Variants in SPG11 observed in about 807,000 individuals in gnomAD.
The protein encoded by SPG11 is spatacsin.
In SPG11, 222 loss-of-function variants were observed where a neutral mutation model predicts 274.0. That is an observed-to-expected ratio of 0.81 (90% CI 0.73 to 0.91). The LOEUF is 0.91. Among genes scored for constraint, SPG11 ranks in the 40% least tolerant of loss-of-function variants. The pLI is 0.00. For missense variants in SPG11, 3,114 were observed against 2,872.7 expected (o/e 1.08, Z -1.92); for synonymous variants, 1,144 against 1,039.7 (o/e 1.10, Z -1.93).
chr15:44,642,259 G>A (rs1050776397), intron 7 of SPG11, among the ~76,000 whole-genome samples: 5 of 151,362 alleles, frequency 3.3e-5, no homozygotes, highest in African/African-American at 1.2e-4. Context: ...CAGCTACTCA[G>A]GAGGCTGAGG....
chr15:44,614,115 TACTTTG>T (rs1227978967), intron 16 of SPG11, among the ~76,000 whole-genome samples: 1 of 152,222 alleles, frequency 6.6e-6, no homozygotes, highest in Non-Finnish European at 1.5e-5. Context: ...TCAGAATACA[TACTTTG>T]AAAATACAGC....
At chr15:44,644,564 TC>T (rs2084551271) in intron 7 of SPG11, among the ~76,000 whole-genome samples, 1 of 152,088 alleles carries the variant, frequency 6.6e-6, no homozygotes, top group African/African-American at 2.4e-5. Flanking sequence ...GTACTGGATG[TC>T]CTAACCAGAA....
intron 7 of SPG11, among the ~76,000 whole-genome samples, chr15:44,635,556 T>C (rs2084216766): frequency 7.8e-6 from 1 of 128,828 alleles, no homozygotes; most frequent in Non-Finnish European, 1.6e-5. Flanking sequence ...CAGTGAGCTG[T>C]GATTGCGTCA....
chr15:44,569,663 CAG>C (rs958208726), intron 34 of SPG11, among the ~76,000 whole-genome samples, 158 bp from the exon 35 acceptor site: 1 of 151,842 alleles, frequency 6.6e-6, no homozygotes, highest in South Asian at 2.1e-4. Flanking sequence ...ATGTACCCAA[CAG>C]GGGGCCTCTG....
intron 7 of SPG11, among the ~76,000 whole-genome samples, chr15:44,641,984 G>A (rs1299635750): frequency 6.7e-6 from 1 of 149,704 alleles, no homozygotes; most frequent in East Asian, 1.9e-4. Context: ...ATTATACAGT[G>A]GGATACGATA....
intron 3 of SPG11, among the ~76,000 whole-genome samples, chr15:44,658,124 T>C (rs2084993148): frequency 6.6e-6 from 1 of 152,252 alleles, no homozygotes; most frequent in Non-Finnish European, 1.5e-5. Context: ...GCTTAGTGCC[T>C]ACTGTTCTGG....
intron 30 of SPG11, among the ~76,000 whole-genome samples, chr15:44,582,713 CAATATTAAAA>C (rs1485779408): frequency 6.7e-6 from 1 of 149,898 alleles, no homozygotes; most frequent in Non-Finnish European, 1.5e-5. Context: ...AAGGCTGGTC[CAATATTAAAA>C]AATCAACTAA....
chr15:44,662,611 G>C (rs376271903), intron 1 of SPG11, among the ~76,000 whole-genome samples: 1 of 140,316 alleles, frequency 7.1e-6, no homozygotes, highest in Admixed American at 7.5e-5. Context: ...CCGTGACTGA[G>C]CCACTACACT....
intron 8 of SPG11, among the ~76,000 whole-genome samples, chr15:44,631,803 CTTTTTTT>C (rs1205482825): frequency 1.0e-5 from 1 of 100,470 alleles, no homozygotes; most frequent in African/African-American, 3.8e-5. Context: ...CTGCACCCAG[CTTTTTTT>C]TTTTTTTTTT....
At chr15:44,636,925 CA>C (rs370928375) in intron 7 of SPG11, among the ~76,000 whole-genome samples, 119 of 19,418 alleles carry the variant, frequency 6.1e-3, no homozygotes, top group African/African-American at 0.01. Flanking sequence ...GACTCCATCT[CA>C]AAAAAAAAAA....
rs745830340 is a variant in SPG11, at chr15:44,595,467, G to A, written c.4435-8C>T. 1.2e-5 allele frequency: 20 copies of A among 1,613,426 alleles called. No homozygotes were observed. The Admixed American group carries it at 1.3e-4, about 11-fold the overall frequency. On this transcript the variant is annotated splice_polypyrimidine_tract_variant and splice_region_variant and intron_variant, in intron 25 of 39. Transcript: ENST00000261866. Reference sequence around the variant, plus strand: ...AGAAATGGCACTGGCACCCTGCCACGGGATAAATAAAATAACAACTAGGCC... The same window carrying A: ...AGAAATGGCACTGGCACCCTGCCACAGGATAAATAAAATAACAACTAGGCC...
chr15:44,626,630 G>C, intron 10 of SPG11, 123 bp from the exon 11 acceptor site: 2 of 1,029,156 alleles, frequency 1.9e-6, no homozygotes, highest in Non-Finnish European at 1.4e-6. Flanking sequence ...TCTATTACTA[G>C]ATTTGGAGTT....
chr15:44,567,634 A>C, intron 35 of SPG11, 42 bp from the exon 36 acceptor site: 2 of 1,610,072 alleles, frequency 1.2e-6, no homozygotes, highest in South Asian at 2.2e-5. Flanking sequence ...TCAGTCAGGG[A>C]CTGCAAGGCA....
At chr15:44,575,077 G>T in intron 30 of SPG11, 36 bp from the exon 31 acceptor site, 1 of 1,612,056 alleles carries the variant, frequency 6.2e-7, no homozygotes, top group Non-Finnish European at 8.5e-7. Flanking sequence ...GCTCTAAGCT[G>T]GGAGGTTCTG....
At chr15:44,569,184 A>G (rs1484975012) in intron 35 of SPG11, among the ~76,000 whole-genome samples, 8 of 149,728 alleles carry the variant, frequency 5.3e-5, no homozygotes, top group Non-Finnish European at 2.9e-5. Flanking sequence ...AAAAAGAAAA[A>G]GAAAAAAAAA....
At chr15:44,621,403 C>T (rs1166915441) in intron 14 of SPG11, 1 of 176,640 alleles carries the variant, frequency 5.7e-6, no homozygotes, top group Non-Finnish European at 1.2e-5. Context: ...TGAATTGCTA[C>T]TGTTTACCAC....
intron 23 of SPG11, 121 bp from the exon 24 acceptor site, chr15:44,597,064 C>A: frequency 5.9e-6 from 5 of 844,764 alleles, no homozygotes; most frequent in South Asian, 1.6e-5. Flanking sequence ...GTGTATTCTC[C>A]AACAAATACT....
chr15:44,593,845 G>A (rs1458419450), intron 26 of SPG11, among the ~76,000 whole-genome samples: 5 of 149,072 alleles, frequency 3.4e-5, no homozygotes, highest in Non-Finnish European at 1.5e-5. Flanking sequence ...CTTCCACCTT[G>A]CGGGTTCAAG....
chr15:44,600,530 G>A lies in SPG11; in HGVS notation c.3623C>T (p.Pro1208Leu), dbSNP rs779830116. The A allele has an allele frequency of 5.6e-6, 9 of 1,614,132 alleles. No individual in the cohort carries two copies. Among genetic ancestry groups the A allele is most frequent in the South Asian group, 2.2e-5 (2 of 91,082 alleles). ...NFAYYLHNGR[P>L]SFAFGTFLVQ... ...CAGAAAAGTACCAAATGCAAATGAT[G>A]GCCGCCCATTATGTAAATAATAAGC... The change falls in exon 21 of 40, where the codon CCA becomes CTA. Residue 1208 changes from proline to leucine, a missense_variant. Coordinates refer to ENST00000261866, the MANE Select transcript of SPG11 (RefSeq NM_025137.4).
Sources: gnomAD v4.1 joint callset for allele counts (sites outside exome capture counted in the v4.1 genomes callset) on GRCh38, gnomAD v4.1.1 for gene constraint, MANE v1.5 for transcripts, NCBI Gene and HGNC (gene_info 2026-07-23, HGNC 2026-07-21) for gene names.